Variants in TMCO6 observed in about 807,000 individuals in gnomAD.
The protein encoded by TMCO6 is transmembrane and coiled-coil domains 6, also known as transmembrane and coiled-coil domain-containing protein 6.
A neutral mutation model predicts 61.8 loss-of-function variants in TMCO6; 47 were observed. That is an observed-to-expected ratio of 0.76 (90% CI 0.60 to 0.97). The LOEUF (loss-of-function observed/expected upper bound fraction) is 0.97, where lower values mean the gene tolerates loss of function less well. TMCO6 is among the 50% of genes least tolerant of loss of function. The pLI is 0.00. For synonymous variants in TMCO6, 261 were observed against 254.2 expected (o/e 1.03, Z -0.25); for missense variants, 557 against 601.6 (o/e 0.93, Z 0.78).
the TMCO6 span, among the ~76,000 whole-genome samples, chr5:140,607,004 A>G: frequency 6.6e-6 from 1 of 150,974 alleles, no homozygotes; most frequent in African/African-American, 2.4e-5. Flanking sequence ...AAAAAAAATA[A>G]TAATAATAAT....
At chr5:140,626,660 C>T in the TMCO6 span, among the ~76,000 whole-genome samples, 1 of 152,156 alleles carries the variant, frequency 6.6e-6, no homozygotes, top group Admixed American at 6.5e-5. Context: ...GAAACAGAGT[C>T]TCACTCTGTG....
the TMCO6 span, among the ~76,000 whole-genome samples, chr5:140,612,729 A>G: frequency 1.3e-5 from 2 of 152,258 alleles, no homozygotes; most frequent in Non-Finnish European, 2.9e-5. Context: ...ACTGCTGGAC[A>G]AAGTTGAAAA....
At chr5:140,598,693 G>C in the TMCO6 span, among the ~76,000 whole-genome samples, 1 of 152,208 alleles carries the variant, frequency 6.6e-6, no homozygotes, top group African/African-American at 2.4e-5. Flanking sequence ...CCAGCACTTT[G>C]GGAGGCCAAG....
the TMCO6 span, among the ~76,000 whole-genome samples, chr5:140,605,589 A>G: frequency 6.6e-6 from 1 of 152,030 alleles, no homozygotes; most frequent in African/African-American, 2.4e-5. Flanking sequence ...CTGAGGCAGG[A>G]GAATCGCTTG....
the TMCO6 span, chr5:140,632,346 A>G: frequency 1.9e-6 from 3 of 1,614,138 alleles, no homozygotes; most frequent in Non-Finnish European, 2.5e-6. This position sits in a 1 kb window ranked among gnomAD's most constrained non-coding sequence, Gnocchi z 6.2. Flanking sequence ...GAGAGCCGCC[A>G]TCAGTCCGCG....
Position 140,645,111 on chromosome 5 carries a change from A to G in TMCO6, c.*13A>G, listed in dbSNP as rs776422924. The G allele has an allele frequency of 2.5e-6, 4 of 1,609,524 alleles. No individual in the cohort carries two copies. In the African/African-American group the frequency reaches 4.0e-5, roughly 16 times the overall value. On this transcript the variant is annotated 3_prime_UTR_variant, in exon 12 of 12. Transcript: ENST00000394671. The stretch of plus-strand genomic sequence containing the variant: ...TCTTCAAGGGTGATCTTGTTTCTCA[A>G]TGTCACTCATTCCCCTCTCTCTTAA...
downstream of TMCO6, among the ~76,000 whole-genome samples, chr5:140,646,592 G>A (rs530483913): frequency 1.3e-5 from 2 of 152,224 alleles, no homozygotes; most frequent in East Asian, 3.9e-4. Flanking sequence ...TATTCAGTAT[G>A]TATAAACATT....
At chr5:140,640,400 T>C (rs963693755) in intron 2 of TMCO6, among the ~76,000 whole-genome samples, 3 of 151,836 alleles carry the variant, frequency 2.0e-5, no homozygotes, top group Admixed American at 1.3e-4. Context: ...GAGCCTATTT[T>C]TTTTCTTTTC....
chr5:140,647,236 C>T, downstream of TMCO6: 3 of 1,530,200 alleles, frequency 2.0e-6, no homozygotes, highest in Non-Finnish European at 2.6e-6. Flanking sequence ...AGCCCCAGAC[C>T]CCTGGCGTCC....
chr5:140,647,450 G>A (rs1330831223), downstream of TMCO6: 1 of 1,606,396 alleles, frequency 6.2e-7, no homozygotes, highest in Non-Finnish European at 8.5e-7. Context: ...CTGGCGTCCC[G>A]AAGCCCGCCC....
chr5:140,596,997 T>C, the TMCO6 span, among the ~76,000 whole-genome samples: 2 of 152,230 alleles, frequency 1.3e-5, no homozygotes. Flanking sequence ...GCACAACTCA[T>C]TAGCATAACA....
upstream of TMCO6, among the ~76,000 whole-genome samples, chr5:140,636,461 C>G (rs1361041860): frequency 3.5e-5 from 5 of 143,950 alleles, no homozygotes; most frequent in African/African-American, 1.3e-4. Flanking sequence ...CGAGCAAGAC[C>G]CTGGCTCAAA....
At chr5:140,617,920 G>T in the TMCO6 span, among the ~76,000 whole-genome samples, 67 of 152,166 alleles carry the variant, frequency 4.4e-4, no homozygotes, top group Non-Finnish European at 2.6e-4. Context: ...TGGTGCAGCT[G>T]TTATGCAAAA....
the TMCO6 span, among the ~76,000 whole-genome samples, chr5:140,631,241 ATAT>A: frequency 6.6e-6 from 1 of 152,098 alleles, no homozygotes; most frequent in Non-Finnish European, 1.5e-5. Flanking sequence ...AGGAACCCTA[ATAT>A]TATGAAACTC....
the TMCO6 span, among the ~76,000 whole-genome samples, chr5:140,601,811 C>T: frequency 6.6e-6 from 1 of 152,146 alleles, no homozygotes; most frequent in Non-Finnish European, 1.5e-5. Context: ...CTAGGAGATT[C>T]CAGTGGAGTC....
At chr5:140,641,345 T>A (rs1387303354) in intron 2 of TMCO6, 4 of 267,744 alleles carry the variant, frequency 1.5e-5, no homozygotes, top group African/African-American at 8.7e-5. Flanking sequence ...GCTAGAGGAG[T>A]AGGTTTTGCC....
At chr5:140,612,110 T>A in the TMCO6 span, among the ~76,000 whole-genome samples, 1 of 152,092 alleles carries the variant, frequency 6.6e-6, no homozygotes, top group African/African-American at 2.4e-5. Flanking sequence ...AAAGAGGAAG[T>A]TTACAGGGAA....
At chr5:140,624,193 C>T in the TMCO6 span, among the ~76,000 whole-genome samples, 5 of 151,804 alleles carry the variant, frequency 3.3e-5, no homozygotes, top group Admixed American at 6.6e-5. Flanking sequence ...GGTGAAACCC[C>T]GTCTCTACTA....
chr5:140,625,973 C>T, the TMCO6 span, among the ~76,000 whole-genome samples: 1 of 152,180 alleles, frequency 6.6e-6, no homozygotes, highest in African/African-American at 2.4e-5. Context: ...CCTTTGAAGA[C>T]CCTGCTTTCT....
Sources: allele counts gnomAD v4.1 joint callset (sites outside exome capture counted in the v4.1 genomes callset), GRCh38; gene constraint gnomAD v4.1.1; non-coding constraint Gnocchi (gnomAD v3.1); transcripts MANE v1.5; gene names NCBI Gene and HGNC (gene_info 2026-07-23, HGNC 2026-07-21).